PRKCE: variants seen among roughly 807,000 people sequenced by gnomAD.
PRKCE encodes protein kinase C epsilon type.
PRKCE carries 16 observed loss-of-function variants against 85.4 expected under a neutral mutation model. The observed-to-expected ratio is 0.19, with a 90% CI of 0.13 to 0.28. The LOEUF (loss-of-function observed/expected upper bound fraction) is 0.28. Among genes scored for constraint, PRKCE ranks in the 10% least tolerant of loss-of-function variants. The pLI, the probability that PRKCE is intolerant of heterozygous loss-of-function variation, is 1.00. For synonymous variants in PRKCE, 388 were observed against 371.5 expected (o/e 1.04, Z -0.51); for missense variants, 573 against 975.2 (o/e 0.59, Z 5.49).
In PRKCE at chr2:45,651,984, G is replaced by A. The variant is rs1675147402; in HGVS notation, c.-117G>A. On this transcript the variant is annotated 5_prime_UTR_variant, in exon 1 of 15. Coordinates refer to ENST00000306156, the MANE Select transcript of PRKCE (RefSeq NM_005400.3). ...CGCCACAAGGTGTAGGGAGTGTGCG[G>A]GGTGGGGCGAAAGGGGACCCAAGAG... 2 of 785,328 alleles carry A rather than the reference G, an allele frequency of 2.5e-6. No individual in the cohort carries two copies. The highest frequency in any genetic ancestry group is 3.4e-5 in the South Asian group (2 of 58,020). 48.6% of individuals were successfully genotyped at this position (785,328 alleles called of 1,614,324 possible).
intron 1 of PRKCE, among the ~76,000 whole-genome samples, chr2:45,657,115 T>C (rs1023188870): frequency 3.3e-5 from 5 of 152,196 alleles, no homozygotes; most frequent in Admixed American, 6.5e-5. Context: ...TTCAGTAGTC[T>C]ACACACTGAG....
chr2:45,669,993 A>G (rs1237063427), intron 1 of PRKCE, among the ~76,000 whole-genome samples: 2 of 152,248 alleles, frequency 1.3e-5, no homozygotes, highest in Non-Finnish European at 2.9e-5. Flanking sequence ...CCTGGGCAAC[A>G]GAGTGAGACT....
intron 2 of PRKCE, among the ~76,000 whole-genome samples, chr2:45,873,435 A>G: frequency 6.7e-6 from 1 of 148,234 alleles, no homozygotes; most frequent in East Asian, 2.0e-4. Flanking sequence ...GCGTACCAAG[A>G]CCACATAGAT....
At chr2:45,981,419 A>G (rs1461127632) in intron 5 of PRKCE, among the ~76,000 whole-genome samples, 1 of 152,162 alleles carries the variant, frequency 6.6e-6, no homozygotes. Flanking sequence ...CCTGCTTCTT[A>G]ATAATTGAGT....
intron 1 of PRKCE, among the ~76,000 whole-genome samples, chr2:45,677,266 T>C (rs929940256): frequency 6.6e-6 from 1 of 151,782 alleles, no homozygotes; most frequent in African/African-American, 2.4e-5. Context: ...TTTAGGTGGA[T>C]AGCAACTCTT....
At chr2:46,035,749 C>T (rs1222431203) in intron 10 of PRKCE, among the ~76,000 whole-genome samples, 5 of 152,136 alleles carry the variant, frequency 3.3e-5, no homozygotes, top group African/African-American at 7.2e-5. Flanking sequence ...ATAAACATAG[C>T]CTAACACCAT....
At chr2:45,950,154 T>A (rs1227543518) in intron 2 of PRKCE, among the ~76,000 whole-genome samples, 1 of 152,228 alleles carries the variant, frequency 6.6e-6, no homozygotes, top group Non-Finnish European at 1.5e-5. Flanking sequence ...TGTCTCTAAT[T>A]GGCATCCTGG....
intron 10 of PRKCE, among the ~76,000 whole-genome samples, chr2:46,046,441 G>A (rs1004090498): frequency 1.8e-4 from 27 of 152,184 alleles, no homozygotes; most frequent in African/African-American, 6.3e-4. Context: ...ATCACCTCCT[G>A]AAGTTGAATC....
At chr2:45,965,834 T>C (rs760915659) in intron 2 of PRKCE, among the ~76,000 whole-genome samples, 2 of 152,208 alleles carry the variant, frequency 1.3e-5, no homozygotes, top group Non-Finnish European at 2.9e-5. Flanking sequence ...TCGACATGTT[T>C]CTTAGTTTTC....
intron 2 of PRKCE, among the ~76,000 whole-genome samples, chr2:45,845,975 G>A (rs752101476): frequency 6.6e-6 from 1 of 152,200 alleles, no homozygotes; most frequent in Non-Finnish European, 1.5e-5. Flanking sequence ...GCAAGAAATG[G>A]ACTCGTTTGG....
intron 10 of PRKCE, among the ~76,000 whole-genome samples, chr2:46,024,733 T>A (rs1370129560): frequency 6.6e-6 from 1 of 152,202 alleles, no homozygotes; most frequent in East Asian, 1.9e-4. Context: ...TTGTTCTCAG[T>A]GTTTCTTTCA....
chr2:45,695,139 A>G (rs1210710113), intron 1 of PRKCE, among the ~76,000 whole-genome samples: 1 of 152,208 alleles, frequency 6.6e-6, no homozygotes, highest in Non-Finnish European at 1.5e-5. Flanking sequence ...ACTGTACAGA[A>G]GGAAGGTTAT....
At chr2:45,761,452 T>C (rs1444552054) in intron 1 of PRKCE, among the ~76,000 whole-genome samples, 1 of 152,058 alleles carries the variant, frequency 6.6e-6, no homozygotes, top group Non-Finnish European at 1.5e-5. Context: ...CCAAGCGCTT[T>C]ACCTACAACA....
chr2:45,920,112 A>G (rs1197738902), intron 2 of PRKCE, among the ~76,000 whole-genome samples: 1 of 152,236 alleles, frequency 6.6e-6, no homozygotes, highest in Non-Finnish European at 1.5e-5. Context: ...TAGTAGCCCC[A>G]CTGATAGGAA....
chr2:45,781,649 C>G (rs764105626), intron 1 of PRKCE, among the ~76,000 whole-genome samples: 14 of 152,134 alleles, frequency 9.2e-5, no homozygotes, highest in Non-Finnish European at 1.6e-4. Flanking sequence ...GCCCGCCCCC[C>G]GGCCCCCGAC....
intron 2 of PRKCE, among the ~76,000 whole-genome samples, chr2:45,860,680 G>A (rs1693085200): frequency 6.6e-6 from 1 of 152,196 alleles, no homozygotes; most frequent in Admixed American, 6.5e-5. Flanking sequence ...AGTGAGGACA[G>A]CAGAAGATGT....
In PRKCE at chr2:46,043,912, G is replaced by A. The variant is rs368989526; in HGVS notation, c.1437+33395G>A. ...TGGCAACCATCTCAAAGCGGATGCC[G>A]AATTCTGAATGGGGAAGATCTTTCT... On this transcript the variant is annotated intron_variant, in intron 10 of 14. Coordinates refer to ENST00000306156, the MANE Select transcript of PRKCE (RefSeq NM_005400.3). Among the ~76,000 whole-genome samples, 33 of 152,302 alleles carry A rather than the reference G, an allele frequency of 2.2e-4. No homozygotes were observed. In the East Asian group the frequency reaches 2.7e-3, roughly 12 times the overall value.
At chr2:45,822,017 G>A (rs1689574658) in intron 1 of PRKCE, among the ~76,000 whole-genome samples, 1 of 152,198 alleles carries the variant, frequency 6.6e-6, no homozygotes, top group South Asian at 2.1e-4. Flanking sequence ...GCGGGGCGTG[G>A]GAGGACCTGT....
At chr2:45,764,392 T>C (rs1573255810) in intron 1 of PRKCE, among the ~76,000 whole-genome samples, 1 of 152,236 alleles carries the variant, frequency 6.6e-6, no homozygotes, top group Admixed American at 6.5e-5. Flanking sequence ...TTATGGCTAG[T>C]AAAGCCAAAA....
Sources: allele counts gnomAD v4.1 joint callset (sites outside exome capture counted in the v4.1 genomes callset), GRCh38; gene constraint gnomAD v4.1.1; transcripts MANE v1.5; gene names NCBI Gene and HGNC (gene_info 2026-07-23, HGNC 2026-07-21).